Variants in ICA1 observed in about 807,000 individuals in gnomAD.
ICA1 encodes the protein 69 kDa islet cell autoantigen.
In ICA1, 40 loss-of-function variants were observed where a neutral mutation model predicts 71.0. That is an observed-to-expected ratio of 0.56 (90% confidence interval 0.44 to 0.73). ICA1 has a LOEUF of 0.73. Among genes scored for constraint, ICA1 ranks in the 30% least tolerant of loss-of-function variants. ICA1 has a pLI of 0.00. For missense variants in ICA1, 578 were observed against 576.5 expected (o/e 1.00, Z -0.03); for synonymous variants, 207 against 209.5 (o/e 0.99, Z 0.10).
At chr7:8,149,065 A>G (rs1392375714) in intron 8 of ICA1, among the ~76,000 whole-genome samples, 1 of 152,192 alleles carries the variant, frequency 6.6e-6, no homozygotes, top group South Asian at 2.1e-4. Context: ...AGGGGTGACA[A>G]TATTTTCTGT....
chr7:8,177,428 T>C (rs1780961601), intron 6 of ICA1, among the ~76,000 whole-genome samples: 1 of 152,192 alleles, frequency 6.6e-6, no homozygotes, highest in African/African-American at 2.4e-5. Flanking sequence ...GTGGAAGCAT[T>C]AGGTCACAAG....
intron 6 of ICA1, among the ~76,000 whole-genome samples, chr7:8,202,405 T>C (rs897328168): frequency 9.2e-5 from 14 of 152,210 alleles, no homozygotes; most frequent in African/African-American, 2.9e-4. Flanking sequence ...AGCCCATTCA[T>C]GTAAATTGCT....
chr7:8,163,599 G>C (rs1804723656), intron 6 of ICA1, among the ~76,000 whole-genome samples: 1 of 152,182 alleles, frequency 6.6e-6, no homozygotes, highest in African/African-American at 2.4e-5. Context: ...AAGAATGATT[G>C]ACCAAGGAAT....
chr7:8,124,980 A>C (rs1788602234), intron 13 of ICA1, among the ~76,000 whole-genome samples: 1 of 151,790 alleles, frequency 6.6e-6, no homozygotes, highest in South Asian at 2.1e-4. Flanking sequence ...GTAGAGACAG[A>C]GTTTCACCAT....
chr7:8,119,470 G>T (rs1785970215), intron 13 of ICA1, among the ~76,000 whole-genome samples: 1 of 152,292 alleles, frequency 6.6e-6, no homozygotes, highest in South Asian at 2.1e-4. Flanking sequence ...TGTCAAAATG[G>T]AACTCACTTC....
intron 9 of ICA1, chr7:8,142,075 T>C: frequency 7.8e-7 from 1 of 1,282,646 alleles, no homozygotes; most frequent in Admixed American, 2.2e-5. Context: ...CAGTTAGATA[T>C]AAATAAGATA....
rs937824985 is a variant in ICA1, at chr7:8,162,921, G to A, written c.580-4269C>T. 3.9e-5 allele frequency among the ~76,000 whole-genome samples: 6 copies of A among 152,170 alleles called. No individual in the cohort carries two copies. In the Middle Eastern group the frequency reaches 0.01, roughly 259 times the overall value. ...TGGGATTACAGGCTTGCGCCACCAC[G>A]CCTGGCTAATTTTTGTATTTTTAGT... is the stretch of plus-strand genomic sequence containing the variant. On this transcript the variant is annotated intron_variant, in intron 6 of 13. Coordinates refer to ENST00000402384, the MANE Select transcript of ICA1 (RefSeq NM_001136020.3).
At chr7:8,199,617 G>C (rs780905837) in intron 6 of ICA1, among the ~76,000 whole-genome samples, 1 of 152,208 alleles carries the variant, frequency 6.6e-6, no homozygotes, top group African/African-American at 2.4e-5. Flanking sequence ...AGGAGGCTGA[G>C]GCAGGAGAAT....
intron 6 of ICA1, among the ~76,000 whole-genome samples, chr7:8,200,003 AG>A (rs1360794364): frequency 6.6e-6 from 1 of 152,220 alleles, no homozygotes; most frequent in African/African-American, 2.4e-5. Context: ...ATAGCACAAC[AG>A]GGGGACTACA....
intron 8 of ICA1, chr7:8,156,564 A>G (rs1801587096): frequency 3.6e-6 from 1 of 280,564 alleles, no homozygotes. Flanking sequence ...TACTGAGATG[A>G]AAAATCATTG....
chr7:8,165,318 G>A (rs1343725109), intron 6 of ICA1, among the ~76,000 whole-genome samples: 1 of 152,222 alleles, frequency 6.6e-6, no homozygotes, highest in East Asian at 1.9e-4. Context: ...ATGCAAAGAA[G>A]TATGTGTAAG....
chr7:8,197,157 A>G (rs1165142415), intron 6 of ICA1, among the ~76,000 whole-genome samples: 2 of 151,942 alleles, frequency 1.3e-5, no homozygotes, highest in African/African-American at 4.8e-5. Context: ...TATATCCTTA[A>G]TGTAGATGCT....
rs760336052 is a variant in ICA1, at chr7:8,130,742, A to G, written c.1061-2600T>C. Among the ~76,000 whole-genome samples, 1 of 152,232 alleles carries G rather than the reference A, an allele frequency of 6.6e-6. No individual in the cohort carries two copies. Among genetic ancestry groups the G allele is most frequent in the African/African-American group, 2.4e-5 (1 of 41,456 alleles). ...TAGTACAGATGTCTGTCCAGGGAAG[A>G]TCATCATTAACATTAGCAAGAACAA... On this transcript the variant is annotated intron_variant, in intron 12 of 13. Coordinates refer to ENST00000402384, the MANE Select transcript of ICA1 (RefSeq NM_001136020.3). This position sits in a 1 kb window ranked among gnomAD's most constrained non-coding sequence, Gnocchi z 4.2.
chr7:8,174,422 A>G (rs1158043669), intron 6 of ICA1, among the ~76,000 whole-genome samples: 1 of 152,206 alleles, frequency 6.6e-6, no homozygotes, highest in Non-Finnish European at 1.5e-5. Context: ...CTAGTGCACT[A>G]GAAATGAATG....
chr7:8,231,888 T>C (rs1800387093), intron 3 of ICA1, among the ~76,000 whole-genome samples: 1 of 152,216 alleles, frequency 6.6e-6, no homozygotes, highest in Non-Finnish European at 1.5e-5. Context: ...TTTAGTCCCA[T>C]TAAATGTTCA....
intron 6 of ICA1, among the ~76,000 whole-genome samples, chr7:8,166,597 C>T (rs545555670): frequency 3.3e-5 from 5 of 152,032 alleles, no homozygotes; most frequent in Admixed American, 6.6e-5. Flanking sequence ...GATTTCATGA[C>T]GAAAATGCCA....
chr7:8,215,501 CTA>C (rs1255463170), intron 6 of ICA1, among the ~76,000 whole-genome samples: 39 of 152,238 alleles, frequency 2.6e-4, no homozygotes, highest in Non-Finnish European at 5.9e-5. Context: ...CCATGCTGTA[CTA>C]TGTTTACTTG....
chr7:8,208,681 T>G (rs888073188), intron 6 of ICA1, among the ~76,000 whole-genome samples: 1 of 152,212 alleles, frequency 6.6e-6, no homozygotes, highest in African/African-American at 2.4e-5. Flanking sequence ...TAGTAACCAG[T>G]AAATCATACT....
intron 6 of ICA1, among the ~76,000 whole-genome samples, chr7:8,213,372 A>G (rs1242794811): frequency 6.6e-6 from 1 of 152,232 alleles, no homozygotes; most frequent in African/African-American, 2.4e-5. Flanking sequence ...GTATGGATCC[A>G]AACTGGAAAT....
Sources: allele counts gnomAD v4.1 joint callset (sites outside exome capture counted in the v4.1 genomes callset), GRCh38; gene constraint gnomAD v4.1.1; non-coding constraint Gnocchi (gnomAD v3.1); transcripts MANE v1.5; gene names NCBI Gene and HGNC (gene_info 2026-07-23, HGNC 2026-07-21).